MYRIP: variants seen among roughly 807,000 people sequenced by gnomAD.
MYRIP encodes rab effector MyRIP.
In MYRIP, 49 loss-of-function variants were observed where a neutral mutation model predicts 98.0. The ratio of observed to expected loss-of-function variants is 0.50; its 90% CI spans 0.40 to 0.63. MYRIP has a LOEUF of 0.63. Among genes scored for constraint, MYRIP ranks in the 30% least tolerant of loss-of-function variants. The probability of loss-of-function intolerance (pLI) is 0.00; values close to 1 mark genes in which losing one functional copy is unlikely to be tolerated. For missense variants in MYRIP, 1,004 were observed against 1,058.2 expected (o/e 0.95, Z 0.71); for synonymous variants, 404 against 409.5 (o/e 0.99, Z 0.16).
At chr3:39,997,892 A>T (rs1316362031) in intron 2 of MYRIP, among the ~76,000 whole-genome samples, 1 of 152,244 alleles carries the variant, frequency 6.6e-6, no homozygotes, top group Non-Finnish European at 1.5e-5. Flanking sequence ...ACGCAAATCA[A>T]TAAACATAAT....
At chr3:40,211,537 C>A (rs1380148684) in intron 11 of MYRIP, among the ~76,000 whole-genome samples, 1 of 152,182 alleles carries the variant, frequency 6.6e-6, no homozygotes, top group East Asian at 1.9e-4. Context: ...CCACGAGGAG[C>A]CCCTCACTGG....
At chr3:40,055,124 T>C (rs1947858470) in intron 3 of MYRIP, among the ~76,000 whole-genome samples, 1 of 152,220 alleles carries the variant, frequency 6.6e-6, no homozygotes, top group Admixed American at 6.5e-5. Flanking sequence ...ACTCTGGTAT[T>C]TAGGTTTGTA....
chr3:39,878,316 G>T (rs1163390894), intron 1 of MYRIP, among the ~76,000 whole-genome samples: 2 of 152,106 alleles, frequency 1.3e-5, no homozygotes, highest in African/African-American at 4.8e-5. Flanking sequence ...GCAATGCCTC[G>T]CCCTGCTTCA....
intron 2 of MYRIP, among the ~76,000 whole-genome samples, chr3:39,991,953 T>C (rs1002053123): frequency 6.6e-6 from 1 of 152,194 alleles, no homozygotes; most frequent in East Asian, 1.9e-4. Flanking sequence ...AAGTATATAT[T>C]AGATTAAATA....
intron 4 of MYRIP, 52 bp from the exon 5 acceptor site, chr3:40,162,678 G>A: frequency 1.3e-6 from 2 of 1,526,736 alleles, no homozygotes; most frequent in African/African-American, 1.4e-5. Context: ...AGGGTTCACT[G>A]AAGACCTTTG....
intron 3 of MYRIP, among the ~76,000 whole-genome samples, chr3:40,148,215 T>G (rs1421327869): frequency 6.6e-6 from 1 of 152,204 alleles, no homozygotes; most frequent in Non-Finnish European, 1.5e-5. Context: ...TCCTTATCTT[T>G]GAGGATCTGA....
chr3:39,916,602 G>C (rs941031483), intron 2 of MYRIP, among the ~76,000 whole-genome samples: 3 of 151,922 alleles, frequency 2.0e-5, no homozygotes, highest in Admixed American at 6.6e-5. Context: ...CCAATCTATG[G>C]CCATAGTTAC....
chr3:39,850,086 C>T (rs1942083918), intron 1 of MYRIP, among the ~76,000 whole-genome samples: 1 of 152,166 alleles, frequency 6.6e-6, no homozygotes, highest in Admixed American at 6.5e-5. Flanking sequence ...GAGTGTGTGT[C>T]TCACAGGGAG....
intron 11 of MYRIP, among the ~76,000 whole-genome samples, chr3:40,214,174 ATACT>A (rs1185843284): frequency 4.6e-5 from 7 of 152,136 alleles, no homozygotes; most frequent in Non-Finnish European, 4.4e-5. Flanking sequence ...TAAATCGCAA[ATACT>A]TACTTTGGTA....
intron 8 of MYRIP, chr3:40,173,676 C>T (rs1407079068): frequency 1.3e-5 from 2 of 152,284 alleles, no homozygotes; most frequent in Non-Finnish European, 2.9e-5. Context: ...CTCATCAGCT[C>T]ACTGGAACGA....
chr3:40,008,915 AC>A (rs1946694067), intron 2 of MYRIP, among the ~76,000 whole-genome samples: 1 of 152,190 alleles, frequency 6.6e-6, no homozygotes, highest in Non-Finnish European at 1.5e-5. Flanking sequence ...CAGCAGGTGC[AC>A]CACTGAGTCC....
chr3:40,125,280 C>G (rs1428316575), intron 3 of MYRIP, among the ~76,000 whole-genome samples: 1 of 152,188 alleles, frequency 6.6e-6, no homozygotes, highest in East Asian at 1.9e-4. Flanking sequence ...CAAGGTCCCA[C>G]AATAGGCTGT....
intron 2 of MYRIP, among the ~76,000 whole-genome samples, chr3:39,923,129 T>G (rs7625245): frequency 4.8e-4 from 73 of 151,854 alleles, no homozygotes; most frequent in African/African-American, 1.7e-3. Context: ...GGTAGAACAA[T>G]AGAAATTACC....
Position 39,849,277 on chromosome 3 carries a change from A to G in MYRIP, c.-31+39361A>G, listed in dbSNP as rs564990851. On this transcript the variant is annotated intron_variant, in intron 1 of 16. Transcript: ENST00000302541. ...AATGGATGACGGAATAAGGAAAGAA[A>G]AAAAATTTCCCAGGATGCTTTGGGT... 3.0e-4 allele frequency among the ~76,000 whole-genome samples: 45 copies of G among 152,348 alleles called. 1 individual carries two copies. The South Asian group carries it at 8.7e-3, about 29-fold the overall frequency.
chr3:40,093,174 G>A (rs1948759870), intron 3 of MYRIP, among the ~76,000 whole-genome samples: 2 of 152,188 alleles, frequency 1.3e-5, no homozygotes, highest in Non-Finnish European at 2.9e-5. Flanking sequence ...CTAGACAGGA[G>A]AACCAACTTA....
chr3:39,928,855 TA>T (rs1028384062), intron 2 of MYRIP, among the ~76,000 whole-genome samples: 83 of 152,046 alleles, frequency 5.5e-4, no homozygotes, highest in African/African-American at 2.0e-3. Flanking sequence ...GAAAAGGAAA[TA>T]AAATGCATAT....
At chr3:40,127,351 T>C (rs960666659) in intron 3 of MYRIP, among the ~76,000 whole-genome samples, 1 of 152,132 alleles carries the variant, frequency 6.6e-6, no homozygotes, top group Non-Finnish European at 1.5e-5. Context: ...CGACTTGCTT[T>C]TGGTCACTTC....
At chr3:40,100,428 C>T (rs17075724) in intron 3 of MYRIP, among the ~76,000 whole-genome samples, 14,268 of 152,162 alleles carry the variant, frequency 0.094, 761 homozygotes, top group East Asian at 0.22. Context: ...ATATGCATAT[C>T]TGTGCAAACA....
intron 1 of MYRIP, among the ~76,000 whole-genome samples, chr3:39,888,358 C>T (rs975098117): frequency 2.6e-5 from 4 of 151,568 alleles, no homozygotes; most frequent in African/African-American, 9.7e-5. Flanking sequence ...AGAACAGAGC[C>T]CTCAGAAATA....
Sources: allele counts gnomAD v4.1 joint callset (sites outside exome capture counted in the v4.1 genomes callset), GRCh38; gene constraint gnomAD v4.1.1; transcripts MANE v1.5; gene names NCBI Gene and HGNC (gene_info 2026-07-23, HGNC 2026-07-21).